Variants in PRTFDC1 observed in about 807,000 individuals in gnomAD.
The protein encoded by PRTFDC1 is phosphoribosyl transferase domain containing 1.
Under a neutral mutation model 34.6 loss-of-function variants are expected in PRTFDC1, and 38 were observed. The ratio of observed to expected loss-of-function variants is 1.10; its 90% CI spans 0.85 to 1.44. The LOEUF (loss-of-function observed/expected upper bound fraction) is 1.44. PRTFDC1 is among the 40% of genes most tolerant of loss of function. The probability of loss-of-function intolerance (pLI) is 0.00; values close to 1 mark genes in which losing one functional copy is unlikely to be tolerated. For missense variants in PRTFDC1, 270 were observed against 283.0 expected, an observed-to-expected ratio of 0.95 and a Z score of 0.33; for synonymous variants, 93 against 98.1, an observed-to-expected ratio of 0.95 and a Z score of 0.31.
At chr10:24,928,373 C>A (rs58709104) in intron 3 of PRTFDC1, among the ~76,000 whole-genome samples, 17,789 of 152,088 alleles carry the variant, frequency 0.12, 1,282 homozygotes, top group East Asian at 0.28. Context: ...AGTCTTTTTT[C>A]TTCACCCAAA....
At chr10:24,923,077 C>G (rs1369993804) in intron 3 of PRTFDC1, among the ~76,000 whole-genome samples, 1 of 152,216 alleles carries the variant, frequency 6.6e-6, no homozygotes, top group Non-Finnish European at 1.5e-5. Context: ...ACCTGTGATG[C>G]TGTAGCTGGG....
intron 3 of PRTFDC1, among the ~76,000 whole-genome samples, chr10:24,884,778 T>G (rs1413347876): frequency 6.6e-6 from 1 of 152,140 alleles, no homozygotes; most frequent in African/African-American, 2.4e-5. Flanking sequence ...AAAGGGATAT[T>G]GGCCATCCTA....
At chr10:24,863,258 T>C (rs1847713555) in intron 4 of PRTFDC1, among the ~76,000 whole-genome samples, 1 of 152,208 alleles carries the variant, frequency 6.6e-6, no homozygotes, top group African/African-American at 2.4e-5. Flanking sequence ...CCAAAAATGC[T>C]AGGGTGCTTA....
chr10:24,932,528 G>T (rs1848987080), intron 3 of PRTFDC1, among the ~76,000 whole-genome samples: 1 of 151,722 alleles, frequency 6.6e-6, no homozygotes, highest in African/African-American at 2.4e-5. Context: ...GAAATTCAAA[G>T]AAAAACTTAC....
chr10:24,863,523 T>A lies in PRTFDC1; in HGVS notation c.406-5114A>T, dbSNP rs149662543. 2.9e-3 allele frequency among the ~76,000 whole-genome samples: 437 copies of A among 152,250 alleles called. 3 individuals are homozygous for A. The highest frequency in any genetic ancestry group is 0.027 in the Middle Eastern group (8 of 294). On this transcript the variant is annotated intron_variant, in intron 4 of 8. Transcript: ENST00000320152. ...TATTTTCATGCCTGCTAACACAACATCCATTTTGCAGCCCATAGAGTCATT... is the reference window on the plus strand; with the variant it reads ...TATTTTCATGCCTGCTAACACAACAACCATTTTGCAGCCCATAGAGTCATT...
chr10:24,869,751 C>T (rs1847843994), intron 4 of PRTFDC1, among the ~76,000 whole-genome samples: 1 of 152,202 alleles, frequency 6.6e-6, no homozygotes, highest in Non-Finnish European at 1.5e-5. Context: ...AGCCTTTCTG[C>T]CTCAACAAAG....
chr10:24,944,784 C>T (rs963351362), intron 1 of PRTFDC1, among the ~76,000 whole-genome samples: 14 of 151,890 alleles, frequency 9.2e-5, no homozygotes, highest in Admixed American at 3.9e-4. Flanking sequence ...CCTTGTCTCT[C>T]GAAAAATAAA....
intron 2 of PRTFDC1, among the ~76,000 whole-genome samples, chr10:24,942,097 A>T (rs1849167620): frequency 6.6e-6 from 1 of 152,222 alleles, no homozygotes; most frequent in Non-Finnish European, 1.5e-5. Flanking sequence ...ATAATAGCTT[A>T]TGTATGTATA....
At chr10:24,886,896 G>T (rs1227309264) in intron 3 of PRTFDC1, among the ~76,000 whole-genome samples, 1 of 151,186 alleles carries the variant, frequency 6.6e-6, no homozygotes, top group Non-Finnish European at 1.5e-5. Context: ...TAAATCTAGT[G>T]CGTATCCTGC....
chr10:24,939,248 C>A (rs1358954383), intron 2 of PRTFDC1, among the ~76,000 whole-genome samples: 1 of 147,976 alleles, frequency 6.8e-6, no homozygotes, highest in African/African-American at 2.5e-5. Flanking sequence ...TTGCAGTAAG[C>A]CCAGACTGTG....
At chr10:24,875,941 G>A (rs779026181) in intron 3 of PRTFDC1, among the ~76,000 whole-genome samples, 24 of 145,704 alleles carry the variant, frequency 1.6e-4, no homozygotes, top group Non-Finnish European at 2.5e-4. Context: ...TTGCACCCTC[G>A]AACTCCTGGC....
chr10:24,857,002 A>G lies in PRTFDC1; in HGVS notation c.424-7T>C, dbSNP rs1176911861. 1.2e-6 allele frequency: 2 copies of G among 1,606,182 alleles called. No homozygotes were observed. Among genetic ancestry groups the G allele is most frequent in the Non-Finnish European group, 8.5e-7 (1 of 1,172,732 alleles). ...TCCCAGTTCCGACAACATCCTTTGC[A>G]AAAAGGACAGATAAATTCAACAAAA... On this transcript the variant is annotated splice_region_variant and splice_polypyrimidine_tract_variant and intron_variant, in intron 5 of 8. Transcript: ENST00000320152.
intron 3 of PRTFDC1, among the ~76,000 whole-genome samples, chr10:24,928,345 C>A (rs926438955): frequency 5.3e-5 from 8 of 152,164 alleles, no homozygotes; most frequent in Admixed American, 2.0e-4. Flanking sequence ...AACTCTTCTA[C>A]TATCTTCAAA....
chr10:24,857,580 G>T (rs1275917639), intron 5 of PRTFDC1, among the ~76,000 whole-genome samples: 1 of 152,158 alleles, frequency 6.6e-6, no homozygotes. Flanking sequence ...GCGATTTATT[G>T]TCCTAAGGAC....
At chr10:24,872,161 CT>C in intron 3 of PRTFDC1, 98 bp from the exon 4 acceptor site, 2 of 1,048,960 alleles carry the variant, frequency 1.9e-6, no homozygotes, top group Non-Finnish European at 2.9e-6. Context: ...CGGAATGTGC[CT>C]TACAAATATA....
intron 3 of PRTFDC1, among the ~76,000 whole-genome samples, chr10:24,880,830 T>TCTTTCTTTCTTC (rs1264392935): frequency 9.1e-4 from 118 of 129,234 alleles, no homozygotes; most frequent in African/African-American, 3.8e-3. Context: ...TTTCTTTCTT[T>TCTTTCTTTCTTC]CTTTCTTTCT....
At chr10:24,883,528 A>G (rs1408026067) in intron 3 of PRTFDC1, among the ~76,000 whole-genome samples, 1 of 152,196 alleles carries the variant, frequency 6.6e-6, no homozygotes, top group African/African-American at 2.4e-5. Context: ...CAGTTTAGTT[A>G]TAGATGACCC....
chr10:24,908,361 T>C, intron 3 of PRTFDC1: 1 of 1,111,196 alleles, frequency 9.0e-7, no homozygotes, highest in South Asian at 2.0e-5. Context: ...ATATTTTTCA[T>C]AACCTCAAGC....
At chr10:24,915,225 C>T (rs1003196874) in intron 3 of PRTFDC1, among the ~76,000 whole-genome samples, 3 of 152,164 alleles carry the variant, frequency 2.0e-5, no homozygotes, top group South Asian at 2.1e-4. Flanking sequence ...GCACCAGATG[C>T]GTCTTTATTC....
Sources: allele counts gnomAD v4.1 joint callset (sites outside exome capture counted in the v4.1 genomes callset), GRCh38; gene constraint gnomAD v4.1.1; transcripts MANE v1.5; gene names NCBI Gene and HGNC (gene_info 2026-07-23, HGNC 2026-07-21).